Variants in SERPINI1 observed in about 807,000 individuals in gnomAD.
The protein encoded by SERPINI1 is neuroserpin.
A neutral mutation model predicts 41.1 loss-of-function variants in SERPINI1; 19 were observed. The ratio of observed to expected loss-of-function variants is 0.46; its 90% CI spans 0.32 to 0.68. SERPINI1 has a LOEUF of 0.68. Ranked by LOEUF, SERPINI1 falls within the 30% of genes least tolerant of loss-of-function variation. SERPINI1 has a pLI of 0.03. For synonymous variants in SERPINI1, 138 were observed against 156.6 expected, an observed-to-expected ratio of 0.88 and a Z score of 0.89; for missense variants, 460 against 479.2, an observed-to-expected ratio of 0.96 and a Z score of 0.37.
chr3:167,769,215 A>G (rs1047754323), intron 1 of SERPINI1, among the ~76,000 whole-genome samples: 1 of 152,020 alleles, frequency 6.6e-6, no homozygotes, highest in South Asian at 2.1e-4. Flanking sequence ...GATGGTCTCA[A>G]TCTCTTGACC....
intron 5 of SERPINI1, among the ~76,000 whole-genome samples, chr3:167,802,211 C>A (rs939321394): frequency 6.6e-5 from 10 of 152,108 alleles, no homozygotes; most frequent in Admixed American, 6.5e-4. Context: ...GGGACATAGG[C>A]ATGGGCAAGG....
intron 1 of SERPINI1, among the ~76,000 whole-genome samples, chr3:167,761,391 T>G (rs1385524828): frequency 2.0e-5 from 3 of 152,226 alleles, no homozygotes; most frequent in Non-Finnish European, 4.4e-5. Flanking sequence ...AATTGTATCA[T>G]CAAATGTAGT....
rs1359767146 is a variant in SERPINI1 at position 167,790,746 on chromosome 3, A to T, written c.481+144A>T. On this transcript the variant is annotated intron_variant, in intron 3 of 8. Transcript: ENST00000446050. ...ATCTAATAATTATTTTGTATAGATTATGGCCTATTTGAGAAACATTGTTAT... is the reference window on the plus strand; with the variant it reads ...ATCTAATAATTATTTTGTATAGATTTTGGCCTATTTGAGAAACATTGTTAT... 6.1e-6 allele frequency: 4 copies of T among 655,608 alleles called. No homozygotes were observed. In the East Asian group the frequency reaches 1.1e-4, roughly 18 times the overall value. 40.6% of individuals were successfully genotyped at this position (655,608 alleles called of 1,614,324 possible). A position where few individuals can be genotyped will look rare whatever the true frequency, so the allele number is the denominator to read the frequency against.
intron 1 of SERPINI1, among the ~76,000 whole-genome samples, chr3:167,763,763 A>G (rs1483642587): frequency 1.3e-5 from 2 of 152,144 alleles, no homozygotes; most frequent in African/African-American, 4.8e-5. Context: ...GTAACCCCCA[A>G]ACTGGATTTT....
chr3:167,782,316 G>A (rs1014997343), intron 1 of SERPINI1, among the ~76,000 whole-genome samples: 1 of 152,062 alleles, frequency 6.6e-6, no homozygotes, highest in Non-Finnish European at 1.5e-5. Context: ...TATATTACGT[G>A]TCCAGTCATT....
At chr3:167,807,468 A>G in intron 6 of SERPINI1, 127 bp downstream of exon 6, 1 of 649,732 alleles carries the variant, frequency 1.5e-6, no homozygotes, top group Non-Finnish European at 2.7e-6. Flanking sequence ...AAATAAATCT[A>G]GCATGAAATA....
intron 5 of SERPINI1, among the ~76,000 whole-genome samples, chr3:167,795,546 C>A (rs889508273): frequency 5.9e-5 from 9 of 152,172 alleles, no homozygotes; most frequent in African/African-American, 2.2e-4. Context: ...CCTCATATTT[C>A]TTTCCCAAGA....
At chr3:167,763,159 C>T (rs1048388384) in intron 1 of SERPINI1, among the ~76,000 whole-genome samples, 6 of 152,020 alleles carry the variant, frequency 3.9e-5, no homozygotes, top group Non-Finnish European at 7.4e-5. Flanking sequence ...CTAAGTGGGT[C>T]GGATGTGGTT....
intron 5 of SERPINI1, among the ~76,000 whole-genome samples, chr3:167,798,418 C>G (rs1727782411): frequency 6.6e-6 from 1 of 152,110 alleles, no homozygotes. Context: ...TGGCTCTTTT[C>G]AAATACTTAT....
At chr3:167,742,818 TTGTG>T (rs10576293) in intron 1 of SERPINI1, among the ~76,000 whole-genome samples, 4,927 of 145,018 alleles carry the variant, frequency 0.034, 183 homozygotes, top group African/African-American at 0.093. Flanking sequence ...TTGTGCCGTT[TTGTG>T]TGTGTGTGTG....
chr3:167,737,403 G>C (rs1458013228), intron 1 of SERPINI1, among the ~76,000 whole-genome samples: 4 of 152,044 alleles, frequency 2.6e-5, no homozygotes, highest in African/African-American at 9.7e-5. Flanking sequence ...ATAAGGATCA[G>C]GTTTTATCTT....
chr3:167,755,426 C>A (rs1464707971), intron 1 of SERPINI1, among the ~76,000 whole-genome samples: 5 of 152,078 alleles, frequency 3.3e-5, no homozygotes, highest in Non-Finnish European at 5.9e-5. Context: ...AAAATAAGTT[C>A]TTGTTTCAAG....
At chr3:167,776,663 G>A (rs1726978310) in intron 1 of SERPINI1, among the ~76,000 whole-genome samples, 1 of 152,206 alleles carries the variant, frequency 6.6e-6, no homozygotes, top group Non-Finnish European at 1.5e-5. Context: ...ACTTCTAGCT[G>A]TGTCTGCACT....
intron 5 of SERPINI1, 156 bp from the exon 6 acceptor site, chr3:167,807,088 A>T: frequency 1.6e-6 from 1 of 618,668 alleles, no homozygotes; most frequent in Non-Finnish European, 2.9e-6. Flanking sequence ...CTATTTTTCC[A>T]TGTTCAATCA....
At chr3:167,738,207 G>C (rs986718484) in intron 1 of SERPINI1, among the ~76,000 whole-genome samples, 8 of 152,102 alleles carry the variant, frequency 5.3e-5, no homozygotes, top group African/African-American at 1.9e-4. Flanking sequence ...ATGGCTATCA[G>C]TGAATATGTA....
At chr3:167,808,557 CA>C (rs1711744918) in intron 6 of SERPINI1, among the ~76,000 whole-genome samples, 1 of 152,024 alleles carries the variant, frequency 6.6e-6, no homozygotes, top group South Asian at 2.1e-4. Flanking sequence ...TCTTTATATG[CA>C]AATTATTTAA....
chr3:167,771,856 C>G (rs531842810), intron 1 of SERPINI1, among the ~76,000 whole-genome samples: 1 of 152,158 alleles, frequency 6.6e-6, no homozygotes, highest in Non-Finnish European at 1.5e-5. Context: ...TGCGCGCACG[C>G]GCACGCACAT....
intron 1 of SERPINI1, among the ~76,000 whole-genome samples, chr3:167,772,833 T>A (rs905404110): frequency 0.088 from 1,617 of 18,450 alleles, 17 homozygotes; most frequent in East Asian, 0.12. Context: ...ACTCTCTCTC[T>A]CTCTCTCTCT....
At chr3:167,823,220 T>C (rs758949817) in intron 7 of SERPINI1, 148 bp downstream of exon 7, 1 of 703,036 alleles carries the variant, frequency 1.4e-6, no homozygotes, top group Non-Finnish European at 2.6e-6. Context: ...CAGCCGGAAT[T>C]TTCTAAATAG....
Sources: allele counts gnomAD v4.1 joint callset (sites outside exome capture counted in the v4.1 genomes callset), GRCh38; gene constraint gnomAD v4.1.1; transcripts MANE v1.5; gene names NCBI Gene and HGNC (gene_info 2026-07-23, HGNC 2026-07-21).